Variants in STAG2 observed in about 807,000 individuals in gnomAD.
STAG2 encodes cohesin subunit SA-2.
STAG2 carries 14 observed loss-of-function variants against 108.1 expected under a neutral mutation model. The ratio of observed to expected loss-of-function variants is 0.13; its 90% CI spans 0.09 to 0.20. The LOEUF is 0.20. STAG2 is among the 10% of genes least tolerant of loss of function. STAG2 has a pLI of 1.00. For missense variants in STAG2, 440 were observed against 940.9 expected (o/e 0.47, Z 6.96); for synonymous variants, 307 against 302.7 (o/e 1.01, Z -0.15).
intron 1 of STAG2, among the ~76,000 whole-genome samples, chrX:124,001,337 G>T (rs1342580015): frequency 9.0e-6 from 1 of 111,496 alleles, no homozygotes; most frequent in Non-Finnish European, 1.9e-5. Context: ...TGATCCATCC[G>T]CCTCGGCCTC....
At position 124,021,402 on chromosome X, in the gene STAG2, A is replaced by G; in HGVS notation, c.-127A>G. ...AGTACTAAATTCACTTGGGAATAAA[A>G]GAAAAACATAAGAAAATTATAAGAG... On this transcript the variant is annotated 5_prime_UTR_variant, in exon 2 of 35. Transcript: ENST00000371145. 1 of 111,947 alleles carries G rather than the reference A, an allele frequency of 8.9e-6. No homozygotes were observed. The highest frequency in any genetic ancestry group is 4.6e-3 in the Middle Eastern group (1 of 216). The allele number at this position is 111,947 out of a possible 1,213,427, so 9.2% of individuals were successfully genotyped here. A position where few individuals can be genotyped will look rare whatever the true frequency, so the allele number is the denominator to read the frequency against.
At chrX:124,080,580 C>T (rs750155083) in intron 27 of STAG2, among the ~76,000 whole-genome samples, 8 of 109,789 alleles carry the variant, frequency 7.3e-5, no homozygotes, top group South Asian at 3.9e-4. Flanking sequence ...CGCAGCTACT[C>T]GGGAGGCTGA....
chrX:124,069,043 G>A (rs1402858310), intron 24 of STAG2, among the ~76,000 whole-genome samples: 1 of 111,679 alleles, frequency 9.0e-6, no homozygotes, highest in African/African-American at 3.3e-5. Context: ...AGTATCAGAT[G>A]TTGGCATTCT....
At chrX:124,038,506 G>A (rs1372920781) in intron 6 of STAG2, among the ~76,000 whole-genome samples, 2 of 110,794 alleles carry the variant, frequency 1.8e-5, no homozygotes, top group Admixed American at 1.9e-4. Context: ...CGTTAAGATG[G>A]TAAAGAATGA....
rs368522338 is a variant in STAG2 at position 124,076,456 on chromosome X, C to T, written c.2658C>T (p.Phe886=). The change falls in exon 26 of 35, where the codon TTC becomes TTT. Residue 886 remains phenylalanine (F), a synonymous_variant. Transcript: ENST00000371145. The part of the protein sequence containing the change: ...VVEMNTAADI[F]KQYMKYYNDY... ...AGATGAATACAGCTGCAGATATCTT[C>T]AAACAGTATATGAAGGTAAAGTTGA... 11 of 1,177,551 alleles carry T rather than the reference C, an allele frequency of 9.3e-6. No individual in the cohort carries two copies. In the African/African-American group the frequency reaches 2.0e-4, roughly 21 times the overall value.
chrX:124,051,072 A>G (rs761881800), intron 11 of STAG2, 49 bp from the exon 12 acceptor site: 1 of 757,246 alleles, frequency 1.3e-6, no homozygotes, highest in South Asian at 2.9e-5. Flanking sequence ...AGTTGAAAAT[A>G]CATAGAGTTT....
intron 17 of STAG2, 72 bp downstream of exon 17, chrX:124,061,946 A>G: frequency 1.2e-6 from 1 of 815,670 alleles, no homozygotes; most frequent in Non-Finnish European, 1.7e-6. Context: ...TAAAAATTCC[A>G]TTTTAGCCAT....
At chrX:124,009,031 G>A (rs756636204) in intron 1 of STAG2, among the ~76,000 whole-genome samples, 7 of 111,646 alleles carry the variant, frequency 6.3e-5, no homozygotes, top group African/African-American at 2.3e-4. Flanking sequence ...GTTCTCTGTA[G>A]TAGAGTGTAC....
intron 29 of STAG2, among the ~76,000 whole-genome samples, chrX:124,085,604 G>C (rs1274789613): frequency 9.1e-6 from 1 of 110,001 alleles, no homozygotes; most frequent in African/African-American, 3.3e-5. Flanking sequence ...GTGAAACCCT[G>C]TCTCTACAAA....
intron 5 of STAG2, among the ~76,000 whole-genome samples, chrX:124,033,527 C>A (rs183936420): frequency 7.2e-5 from 8 of 111,658 alleles, no homozygotes; most frequent in African/African-American, 2.6e-4. Flanking sequence ...TTTGGGAGGC[C>A]AAGGTAGGTG....
At chrX:123,989,324 C>G (rs2055336293) in intron 1 of STAG2, among the ~76,000 whole-genome samples, 1 of 111,630 alleles carries the variant, frequency 9.0e-6, no homozygotes, top group African/African-American at 3.3e-5. Context: ...GAAGTAACCA[C>G]TGCTGATAGT....
At chrX:124,087,519 C>CT (rs1335811872) in intron 30 of STAG2, among the ~76,000 whole-genome samples, 1 of 111,756 alleles carries the variant, frequency 8.9e-6, no homozygotes, top group Non-Finnish European at 1.9e-5. Context: ...ACTTACATAT[C>CT]TGATGCTGGC....
In STAG2 at chrX:124,026,503, A is replaced by T. The variant is rs975094356; in HGVS notation, c.123+585A>T. 48 of 194,262 alleles carry T rather than the reference A, an allele frequency of 2.5e-4. 1 individual carries two copies. Among genetic ancestry groups the T allele is most frequent in the Middle Eastern group, 1.3e-3 (2 of 1,510 alleles). The allele number at this position is 194,262 out of a possible 1,213,427, so 16.0% of individuals were successfully genotyped here. ...AAATTATTTTGTTGTTTTGGAAAGTATATTTGACTCTGCATGTGTGTAAAT... is the reference window on the plus strand; with the variant it reads ...AAATTATTTTGTTGTTTTGGAAAGTTTATTTGACTCTGCATGTGTGTAAAT... On this transcript the variant is annotated intron_variant, in intron 4 of 34. Coordinates refer to ENST00000371145, the MANE Select transcript of STAG2 (RefSeq NM_001042750.2).
At chrX:124,085,330 T>TA (rs2059072269) in intron 29 of STAG2, among the ~76,000 whole-genome samples, 1 of 111,430 alleles carries the variant, frequency 9.0e-6, no homozygotes, top group Non-Finnish European at 1.9e-5. Flanking sequence ...TTTAGGTATG[T>TA]GGTGGGTACA....
intron 32 of STAG2, among the ~76,000 whole-genome samples, chrX:124,091,662 T>C (rs1414826166): frequency 8.9e-6 from 1 of 112,537 alleles, no homozygotes; most frequent in African/African-American, 3.2e-5. Context: ...TGTATATCCA[T>C]ATTTCTTATA....
chrX:124,083,920 T>C (rs755767595), intron 29 of STAG2, among the ~76,000 whole-genome samples: 1 of 111,890 alleles, frequency 8.9e-6, no homozygotes, highest in Non-Finnish European at 1.9e-5. Flanking sequence ...ACTGCCTGGC[T>C]GCTTTTTGTG....
intron 1 of STAG2, among the ~76,000 whole-genome samples, chrX:123,981,609 A>G (rs929938702): frequency 1.8e-5 from 2 of 111,867 alleles, no homozygotes; most frequent in Non-Finnish European, 3.8e-5. Context: ...TCAAGCATGA[A>G]TAATGGTGAC....
At chrX:124,028,822 A>ATATAT (rs1296806013) in intron 4 of STAG2, among the ~76,000 whole-genome samples, 5 of 38,976 alleles carry the variant, frequency 1.3e-4, no homozygotes, top group African/African-American at 5.6e-4. Context: ...ATATATATAT[A>ATATAT]TTTTTTTTTT....
chrX:124,097,531 C>T (rs753134013), intron 34 of STAG2, among the ~76,000 whole-genome samples: 7 of 111,584 alleles, frequency 6.3e-5, no homozygotes, highest in East Asian at 2.8e-4. Flanking sequence ...GGTGCTAAAG[C>T]GAATAAGACA....
Sources: gnomAD v4.1 joint callset for allele counts (sites outside exome capture counted in the v4.1 genomes callset) on GRCh38, gnomAD v4.1.1 for gene constraint, MANE v1.5 for transcripts, NCBI Gene and HGNC (gene_info 2026-07-23, HGNC 2026-07-21) for gene names.